Variants in ARHGAP10 observed in about 807,000 individuals in gnomAD.
ARHGAP10 encodes the protein rho GTPase-activating protein 10.
Under a neutral mutation model 108.6 loss-of-function variants are expected in ARHGAP10, and 87 were observed. The observed-to-expected ratio is 0.80, with a 90% CI of 0.67 to 0.96. The LOEUF is 0.96. ARHGAP10 is among the 40% of genes least tolerant of loss of function. ARHGAP10 has a pLI of 0.00. For synonymous variants in ARHGAP10, 347 were observed against 341.1 expected, an observed-to-expected ratio of 1.02 and a Z score of -0.19; for missense variants, 939 against 954.5, an observed-to-expected ratio of 0.98 and a Z score of 0.21.
chr4:147,804,481 A>G (rs1731702607), intron 1 of ARHGAP10, among the ~76,000 whole-genome samples: 1 of 152,168 alleles, frequency 6.6e-6, no homozygotes, highest in African/African-American at 2.4e-5. Context: ...GTGTGTCTTT[A>G]TGGTAGAATG....
chr4:147,905,025 G>A (rs1482841566), intron 10 of ARHGAP10, among the ~76,000 whole-genome samples: 1 of 152,246 alleles, frequency 6.6e-6, no homozygotes, highest in East Asian at 1.9e-4. Flanking sequence ...CTGCATAAAT[G>A]TCTTCTTTTG....
chr4:147,793,832 T>C (rs1044894817), intron 1 of ARHGAP10, among the ~76,000 whole-genome samples: 3 of 152,134 alleles, frequency 2.0e-5, no homozygotes, highest in African/African-American at 7.2e-5. Context: ...TACGTATTTG[T>C]GGAATGAAGA....
chr4:148,063,479 A>G (rs1417840134), intron 21 of ARHGAP10, among the ~76,000 whole-genome samples, 179 bp downstream of exon 21: 1 of 152,204 alleles, frequency 6.6e-6, no homozygotes, highest in Admixed American at 6.5e-5. Context: ...CCAGTTCAGT[A>G]GCAAGGACGT....
At position 147,944,908 on chromosome 4, in the gene ARHGAP10, G is replaced by A. The variant is rs151014919; in HGVS notation, c.1304-1709G>A. ...CTTGCTTATACTTTTCAGTGACTCA[G>A]CAGTGGCAATAACCTGCTACGTTTA... On this transcript the variant is annotated intron_variant, in intron 14 of 22. Coordinates refer to ENST00000336498, the MANE Select transcript of ARHGAP10 (RefSeq NM_024605.4). Among the ~76,000 whole-genome samples the A allele has an allele frequency of 2.3e-4, 35 of 152,236 alleles. No homozygotes were observed. The East Asian group carries it at 6.2e-3, about 27-fold the overall frequency.
In ARHGAP10 at chr4:147,930,199, G is replaced by A. The variant is rs1434464444; in HGVS notation, c.1229-9626G>A. 3.9e-5 allele frequency among the ~76,000 whole-genome samples: 6 copies of A among 152,220 alleles called. No individual in the cohort carries two copies. In the East Asian group the frequency reaches 1.2e-3, roughly 29 times the overall value. On this transcript the variant is annotated intron_variant, in intron 13 of 22. Transcript: ENST00000336498. ...CCATGGAATTTGAGAATGTATTTCT[G>A]TAGAATCATACGGCTGCAAAATCCT... is the stretch of plus-strand genomic sequence containing the variant.
chr4:147,792,219 T>G (rs185220364), intron 1 of ARHGAP10, among the ~76,000 whole-genome samples: 1 of 152,378 alleles, frequency 6.6e-6, no homozygotes, highest in Non-Finnish European at 1.5e-5. Flanking sequence ...TTTGAGTTTT[T>G]GCTCATCTGT....
intron 13 of ARHGAP10, among the ~76,000 whole-genome samples, chr4:147,914,906 A>G (rs2126924166): frequency 6.6e-6 from 1 of 152,288 alleles, no homozygotes; most frequent in African/African-American, 2.4e-5. Context: ...ATTCCAGCAG[A>G]CTTTGGAGAT....
At chr4:147,855,670 T>TATTGTCAGA (rs1734055680) in intron 4 of ARHGAP10, among the ~76,000 whole-genome samples, 1 of 151,322 alleles carries the variant, frequency 6.6e-6, no homozygotes, top group Non-Finnish European at 1.5e-5. Context: ...TTAGGTTCTA[T>TATTGTCAGA]ATTGTCAGAT....
intron 5 of ARHGAP10, chr4:147,863,193 G>A (rs1186391125): frequency 6.6e-6 from 1 of 152,094 alleles, no homozygotes; most frequent in Non-Finnish European, 1.5e-5. Context: ...TGCATCTCCA[G>A]GGCTTTTTAA....
chr4:147,924,013 G>A (rs757308444), intron 13 of ARHGAP10, among the ~76,000 whole-genome samples: 3 of 152,220 alleles, frequency 2.0e-5, no homozygotes, highest in Non-Finnish European at 4.4e-5. Flanking sequence ...ATGGGTGTGA[G>A]GTGAGCGTGG....
chr4:147,949,900 A>G (rs1278822773), intron 15 of ARHGAP10, among the ~76,000 whole-genome samples: 6 of 152,104 alleles, frequency 3.9e-5, no homozygotes, highest in Non-Finnish European at 8.8e-5. Flanking sequence ...AATTTGTTTA[A>G]TAAACTAGAG....
intron 19 of ARHGAP10, among the ~76,000 whole-genome samples, chr4:148,032,520 TA>T (rs1238261705): frequency 2.0e-5 from 3 of 152,272 alleles, no homozygotes; most frequent in African/African-American, 7.2e-5. Context: ...TCATCATTTT[TA>T]TATGGTTCAA....
At chr4:147,965,956 A>G (rs926513259) in intron 17 of ARHGAP10, among the ~76,000 whole-genome samples, 2 of 152,248 alleles carry the variant, frequency 1.3e-5, no homozygotes, top group Non-Finnish European at 2.9e-5. Flanking sequence ...ACTATAAAAA[A>G]TGTTATGCAA....
At chr4:147,982,813 G>A (rs1739868526) in intron 18 of ARHGAP10, among the ~76,000 whole-genome samples, 1 of 151,666 alleles carries the variant, frequency 6.6e-6, no homozygotes, top group Non-Finnish European at 1.5e-5. Flanking sequence ...TTTCTCTCAG[G>A]AATGCCAATA....
chr4:147,873,597 G>A (rs969088340), intron 7 of ARHGAP10, among the ~76,000 whole-genome samples: 1 of 151,458 alleles, frequency 6.6e-6, no homozygotes. Context: ...AGGCTGAAGC[G>A]GGTAGATTGC....
At chr4:147,790,886 A>T (rs781774600) in intron 1 of ARHGAP10, among the ~76,000 whole-genome samples, 1 of 152,166 alleles carries the variant, frequency 6.6e-6, no homozygotes, top group Non-Finnish European at 1.5e-5. Flanking sequence ...ATTTTTTAAT[A>T]TAAGTAAATC....
In ARHGAP10 at chr4:147,732,600, G is replaced by T. The variant is rs908075777; in HGVS notation, c.154+145G>T. 1.5e-5 allele frequency: 17 copies of T among 1,165,100 alleles called. No homozygotes were observed. In the African/African-American group the frequency reaches 2.6e-4, roughly 18 times the overall value. The allele number at this position is 1,165,100 out of a possible 1,614,324, so 72.2% of individuals were successfully genotyped here. ...ATTCCGGACCAGCCCAGCTCTCTCG[G>T]AACCCCGGGGGGTCCCTGGAATCAT... is the stretch of plus-strand genomic sequence containing the variant. On this transcript the variant is annotated intron_variant, in intron 1 of 22. Coordinates refer to ENST00000336498, the MANE Select transcript of ARHGAP10 (RefSeq NM_024605.4).
intron 18 of ARHGAP10, among the ~76,000 whole-genome samples, chr4:147,988,804 C>T (rs1740144118): frequency 6.6e-6 from 1 of 152,248 alleles, no homozygotes; most frequent in Non-Finnish European, 1.5e-5. Flanking sequence ...CCCCTCACCT[C>T]AGACTCATGC....
At chr4:147,837,790 T>C (rs1579101041) in intron 3 of ARHGAP10, among the ~76,000 whole-genome samples, 4 of 152,122 alleles carry the variant, frequency 2.6e-5, no homozygotes, top group South Asian at 4.2e-4. Flanking sequence ...AGGTGGACTT[T>C]GTTTCAGTGG....
Sources: allele counts gnomAD v4.1 joint callset (sites outside exome capture counted in the v4.1 genomes callset), GRCh38; gene constraint gnomAD v4.1.1; transcripts MANE v1.5; gene names NCBI Gene and HGNC (gene_info 2026-07-23, HGNC 2026-07-21).